The following ATXN2 variants were observed in gnomAD, a reference collection of about 807,000 sequenced individuals.
ATXN2 encodes the protein ataxin 2.
In ATXN2, 37 loss-of-function variants were observed where a neutral mutation model predicts 138.6. The observed-to-expected ratio is 0.27, with a 90% CI of 0.21 to 0.35. The LOEUF is 0.35. Ranked by LOEUF, ATXN2 falls within the 10% of genes least tolerant of loss-of-function variation. The probability of loss-of-function intolerance (pLI) is 1.00; values close to 1 mark genes in which losing one functional copy is unlikely to be tolerated. For synonymous variants in ATXN2, 549 were observed against 543.7 expected (o/e 1.01, Z -0.13); for missense variants, 1,216 against 1,480.3 (o/e 0.82, Z 2.93).
chr12:111,598,949 G>GGCT lies in ATXN2; in HGVS notation c.83_85dup (p.Gln28dup), dbSNP rs10560189. 2.2e-4 allele frequency: 317 copies of GGCT among 1,412,002 alleles called. No homozygotes were observed. The highest frequency in any genetic ancestry group is 1.4e-3 in the African/African-American group (90 of 64,062). 87.5% of individuals were successfully genotyped at this position (1,412,002 alleles called of 1,614,324 possible). A position where few individuals can be genotyped will look rare whatever the true frequency, so the allele number is the denominator to read the frequency against. On this transcript the variant is annotated inframe_insertion, in exon 1 of 25. Coordinates refer to ENST00000673436, the MANE Select transcript of ATXN2 (RefSeq NM_001372574.1). This position sits in a 1 kb window ranked among gnomAD's most constrained non-coding sequence, Gnocchi z 4.5. ...GCGGACATTGGCAGCCGCGGGCGGC[G>GGCT]GCTGCTGCTGCTGCTGCTGCTGCTG...
chr12:111,519,102 T>G (rs1880015943), intron 8 of ATXN2, among the ~76,000 whole-genome samples: 1 of 152,172 alleles, frequency 6.6e-6, no homozygotes, highest in African/African-American at 2.4e-5. Context: ...GTCACTTAGT[T>G]ATCAAATAAA....
intron 1 of ATXN2, among the ~76,000 whole-genome samples, chr12:111,570,286 A>C (rs772727744): frequency 9.9e-5 from 15 of 152,164 alleles, no homozygotes; most frequent in Non-Finnish European, 1.6e-4. Flanking sequence ...ATTCCCCTTC[A>C]AAAGACTATC....
chr12:111,520,838 CAA>C, intron 7 of ATXN2, 42 bp downstream of exon 7: 1 of 1,120,990 alleles, frequency 8.9e-7, no homozygotes, highest in East Asian at 2.5e-5. Context: ...TGATGAAAAT[CAA>C]AGACAAATGC....
rs927813027 is a variant in ATXN2 at position 111,457,694 on chromosome 12, C to T, written c.2897-335G>A. On this transcript the variant is annotated intron_variant, in intron 21 of 24. Coordinates refer to ENST00000673436, the MANE Select transcript of ATXN2 (RefSeq NM_001372574.1). Reference sequence around the variant, plus strand: ...TACTCAAACAAGTGCATTTTAGGTGCACACTCTTTAGCTCAAGGCCATCAT... The same window carrying T: ...TACTCAAACAAGTGCATTTTAGGTGTACACTCTTTAGCTCAAGGCCATCAT... 6 of 214,116 alleles carry T rather than the reference C, an allele frequency of 2.8e-5. No homozygotes were observed. In the South Asian group the frequency reaches 3.9e-4, roughly 14 times the overall value. The allele number at this position is 214,116 out of a possible 1,614,324, so 13.3% of individuals were successfully genotyped here. A position where few individuals can be genotyped will look rare whatever the true frequency, so the allele number is the denominator to read the frequency against.
chr12:111,582,762 G>A (rs554406483), intron 1 of ATXN2, among the ~76,000 whole-genome samples: 2 of 152,098 alleles, frequency 1.3e-5, no homozygotes, highest in African/African-American at 4.8e-5. Flanking sequence ...TCTGCCTCCC[G>A]GGTTCACGCC....
intron 14 of ATXN2, among the ~76,000 whole-genome samples, chr12:111,490,111 A>G (rs1877925121): frequency 1.3e-5 from 2 of 151,650 alleles, no homozygotes; most frequent in Admixed American, 6.6e-5. Flanking sequence ...GGAGGCTGAC[A>G]TATGAGAATT....
Position 111,598,001 on chromosome 12 carries a change from G to C in ATXN2, c.251+783C>G, listed in dbSNP as rs1331495070. On this transcript the variant is annotated intron_variant, in intron 1 of 24. Transcript: ENST00000673436. This position sits in a 1 kb window ranked among gnomAD's most constrained non-coding sequence, Gnocchi z 4.5. ...CCCGCGCGCCGGAGAGGTCTGGCGGGGGAAGGAGGAAGGCCGGGACGGGGC... is the reference window on the plus strand; with the variant it reads ...CCCGCGCGCCGGAGAGGTCTGGCGGCGGAAGGAGGAAGGCCGGGACGGGGC... The C allele has an allele frequency of 4.2e-6, 5 of 1,198,440 alleles. No homozygotes were observed. Among genetic ancestry groups the C allele is most frequent in the Non-Finnish European group, 5.3e-6 (5 of 943,914 alleles). The allele number at this position is 1,198,440 out of a possible 1,614,324, so 74.2% of individuals were successfully genotyped here.
chr12:111,462,965 T>TAC (rs558178919), intron 21 of ATXN2, among the ~76,000 whole-genome samples: 10 of 139,720 alleles, frequency 7.2e-5, no homozygotes, highest in East Asian at 2.7e-4. Context: ...CACACATACA[T>TAC]ATATATATAT....
chr12:111,483,073 G>C (rs1215098396), intron 18 of ATXN2, among the ~76,000 whole-genome samples: 1 of 151,752 alleles, frequency 6.6e-6, no homozygotes, highest in Non-Finnish European at 1.5e-5. Flanking sequence ...TGTAGCCCCC[G>C]CTATCCAGGG....
Position 111,539,812 on chromosome 12 carries a change from C to CA in ATXN2, c.571+12467dup, listed in dbSNP as rs1158705518. On this transcript the variant is annotated intron_variant, in intron 5 of 24. Coordinates refer to ENST00000673436, the MANE Select transcript of ATXN2 (RefSeq NM_001372574.1). Reference sequence around the variant, plus strand: ...AAATGATTCTGTAGAAGAACTAAGACAAAAAAAGTAAATTCAGAAATGTTC... The same window carrying CA: ...AAATGATTCTGTAGAAGAACTAAGACAAAAAAAAGTAAATTCAGAAATGTTC... 1.3e-5 allele frequency among the ~76,000 whole-genome samples: 2 copies of CA among 149,296 alleles called. 1 individual carries two copies. Among genetic ancestry groups the CA allele is most frequent in the South Asian group, 4.3e-4 (2 of 4,678 alleles).
intron 14 of ATXN2, among the ~76,000 whole-genome samples, chr12:111,505,566 A>C (rs540192115): frequency 1.5e-4 from 23 of 152,366 alleles, no homozygotes; most frequent in African/African-American, 5.5e-4. Flanking sequence ...AAGAAGATAT[A>C]TAAATGGCCA....
intron 16 of ATXN2, 136 bp from the exon 17 acceptor site, chr12:111,486,001 C>A: frequency 1.4e-6 from 1 of 713,050 alleles, no homozygotes; most frequent in Non-Finnish European, 2.0e-6. Context: ...AAAAACACAG[C>A]ACATAAATTT....
At chr12:111,547,836 A>ATTTTT (rs34988312) in intron 5 of ATXN2, among the ~76,000 whole-genome samples, 40 of 100,154 alleles carry the variant, frequency 4.0e-4, no homozygotes, top group Non-Finnish European at 5.2e-4. Flanking sequence ...TTGCTTGAGA[A>ATTTTT]TTTTTTTTTT....
chr12:111,467,505 C>G (rs781747028), intron 20 of ATXN2, among the ~76,000 whole-genome samples: 6 of 151,916 alleles, frequency 3.9e-5, no homozygotes, highest in Non-Finnish European at 8.8e-5. Context: ...TCTTGATTAA[C>G]TAGTGACAAT....
intron 5 of ATXN2, 101 bp from the exon 6 acceptor site, chr12:111,525,417 GA>G (rs1880429495): frequency 8.1e-7 from 1 of 1,231,652 alleles, no homozygotes; most frequent in African/African-American, 1.5e-5. Context: ...AAACAATTAC[GA>G]AAAATGAATT....
chr12:111,547,420 C>A (rs1881853203), intron 5 of ATXN2, among the ~76,000 whole-genome samples: 1 of 149,578 alleles, frequency 6.7e-6, no homozygotes, highest in African/African-American at 2.5e-5. Flanking sequence ...GAGCGAGACT[C>A]CGCCTCAAAA....
intron 5 of ATXN2, among the ~76,000 whole-genome samples, chr12:111,536,662 G>T (rs1002372140): frequency 6.6e-6 from 1 of 151,298 alleles, no homozygotes; most frequent in African/African-American, 2.4e-5. Flanking sequence ...TATGTAAAAG[G>T]TTCAACATAG....
intron 23 of ATXN2, chr12:111,454,179 C>T (rs1441483889): frequency 1.0e-5 from 2 of 195,532 alleles, no homozygotes; most frequent in Admixed American, 1.2e-4. Flanking sequence ...GATCCAAGGG[C>T]AGCTTTCTCA....
rs1270557784 is a variant in ATXN2 at position 111,516,633 on chromosome 12, G to GT, written c.1166-271dup. 6.6e-6 allele frequency among the ~76,000 whole-genome samples: 1 copy of GT among 152,116 alleles called. No individual in the cohort carries two copies. The highest frequency in any genetic ancestry group is 2.4e-5 in the African/African-American group (1 of 41,426). Reference sequence around the variant, plus strand: ...TCTATACACACTATTGAAGAAGACAGTTAAGACTTTGCCTATTAATCCTGC... The same window carrying GT: ...TCTATACACACTATTGAAGAAGACAGTTTAAGACTTTGCCTATTAATCCTGC... On this transcript the variant is annotated intron_variant, in intron 9 of 24. Transcript: ENST00000673436. The surrounding 1 kb of genome is among the most constrained non-coding windows in gnomAD (Gnocchi z 5.0).
Sources: gnomAD v4.1 joint callset for allele counts (sites outside exome capture counted in the v4.1 genomes callset) on GRCh38, gnomAD v4.1.1 for gene constraint, Gnocchi (gnomAD v3.1) non-coding constraint, MANE v1.5 for transcripts, NCBI Gene and HGNC (gene_info 2026-07-23, HGNC 2026-07-21) for gene names.